The following MARK3 variants were observed in gnomAD, a reference collection of about 807,000 sequenced individuals.
MARK3 encodes MAP/microtubule affinity-regulating kinase 3.
In MARK3, 46 loss-of-function variants were observed where a neutral mutation model predicts 90.1. The observed-to-expected ratio is 0.51, with a 90% CI of 0.40 to 0.65. MARK3 has a LOEUF of 0.65. Among genes scored for constraint, MARK3 ranks in the 30% least tolerant of loss-of-function variants. MARK3 has a pLI of 0.00. For synonymous variants in MARK3, 321 were observed against 332.6 expected, an observed-to-expected ratio of 0.97 and a Z score of 0.38; for missense variants, 818 against 947.2, an observed-to-expected ratio of 0.86 and a Z score of 1.79.
At chr14:103,408,098 G>A (rs760624199) in intron 2 of MARK3, among the ~76,000 whole-genome samples, 1 of 152,104 alleles carries the variant, frequency 6.6e-6, no homozygotes, top group Non-Finnish European at 1.5e-5. Context: ...CAGTCTGTAG[G>A]GGAAGATGAC....
chr14:103,389,966 A>T (rs1055678445), intron 1 of MARK3, among the ~76,000 whole-genome samples: 3 of 107,020 alleles, frequency 2.8e-5, no homozygotes, highest in Middle Eastern at 0.011. Flanking sequence ...AAAAAAAAAA[A>T]GGCCGGGCGC....
chr14:103,467,051 C>G, intron 10 of MARK3, 28 bp from the exon 11 acceptor site: 1 of 919,254 alleles, frequency 1.1e-6, no homozygotes, highest in South Asian at 1.7e-5. Flanking sequence ...AAACAAAACA[C>G]ATAAACTGTA....
At chr14:103,433,093 C>CTT (rs1285320294) in intron 3 of MARK3, among the ~76,000 whole-genome samples, 4 of 118,034 alleles carry the variant, frequency 3.4e-5, no homozygotes, top group East Asian at 2.5e-4. Context: ...CTTTTCTTTT[C>CTT]TTTTTTTTTT....
chr14:103,464,275 AC>A (rs1201087743), intron 7 of MARK3, among the ~76,000 whole-genome samples: 3 of 142,204 alleles, frequency 2.1e-5, no homozygotes, highest in African/African-American at 7.8e-5. Flanking sequence ...TCTTAAAGTG[AC>A]TGTGATTTGT....
chr14:103,419,969 C>T (rs997355889), intron 2 of MARK3, among the ~76,000 whole-genome samples: 1 of 146,932 alleles, frequency 6.8e-6, no homozygotes, highest in African/African-American at 2.4e-5. Context: ...GCCTGGGGAA[C>T]ATAGCGAGAT....
rs72710705 is a variant in MARK3, at chr14:103,490,806, T to C, written c.1587-971T>C. ...ATAGGTTAGCAGTTGCTCCAGAATC[T>C]CCAAAACAAGCTTAGGAGATTTTTA... On this transcript the variant is annotated intron_variant, in intron 14 of 17. Transcript: ENST00000429436. 193 of 336,664 alleles carry C rather than the reference T, an allele frequency of 5.7e-4. 1 individual carries two copies. Among genetic ancestry groups the C allele is most frequent in the Non-Finnish European group, 6.1e-4 (136 of 224,398 alleles). 20.9% of individuals were successfully genotyped at this position (336,664 alleles called of 1,614,324 possible). A position where few individuals can be genotyped will look rare whatever the true frequency, so the allele number is the denominator to read the frequency against.
chr14:103,416,346 A>G (rs2140905216), intron 2 of MARK3, among the ~76,000 whole-genome samples: 1 of 152,232 alleles, frequency 6.6e-6, no homozygotes, highest in East Asian at 1.9e-4. Context: ...AAATATCAAC[A>G]TATTTCTCTA....
chr14:103,479,409 G>A (rs2093776960), intron 13 of MARK3, among the ~76,000 whole-genome samples: 1 of 152,096 alleles, frequency 6.6e-6, no homozygotes, highest in African/African-American at 2.4e-5. Context: ...TTAATTTTTT[G>A]AGAAACTGCC....
At chr14:103,398,425 CTCTT>C (rs1300650272) in intron 1 of MARK3, among the ~76,000 whole-genome samples, 1 of 152,184 alleles carries the variant, frequency 6.6e-6, no homozygotes, top group Non-Finnish European at 1.5e-5. Flanking sequence ...TTTTTAGAAT[CTCTT>C]TATACATTCC....
intron 1 of MARK3, among the ~76,000 whole-genome samples, chr14:103,400,393 A>AC (rs1181383074): frequency 6.6e-6 from 1 of 152,176 alleles, no homozygotes; most frequent in East Asian, 1.9e-4. Context: ...GTCTCCCTAA[A>AC]CACGTGTTCA....
chr14:103,411,273 C>T (rs1353101478), intron 2 of MARK3, among the ~76,000 whole-genome samples: 28 of 152,038 alleles, frequency 1.8e-4, no homozygotes, highest in Admixed American at 1.6e-3. Context: ...GACTCCGTCT[C>T]GAAAAAACAA....
chr14:103,447,750 G>C (rs937581139), intron 3 of MARK3, among the ~76,000 whole-genome samples: 9 of 151,992 alleles, frequency 5.9e-5, no homozygotes, highest in African/African-American at 1.9e-4. Flanking sequence ...TGGCTAGGAA[G>C]CTCTGCTGGT....
chr14:103,458,644 T>C (rs1466054035), intron 6 of MARK3: 2 of 574,306 alleles, frequency 3.5e-6, no homozygotes, highest in Non-Finnish European at 6.2e-6. Flanking sequence ...ATTAATTCTG[T>C]ATTCTCACAA....
intron 5 of MARK3, among the ~76,000 whole-genome samples, chr14:103,454,918 C>T (rs2093240854): frequency 1.3e-5 from 2 of 152,156 alleles, no homozygotes; most frequent in African/African-American, 2.4e-5. Flanking sequence ...GCAGGAGAGC[C>T]ACTCTTTGCT....
Position 103,500,205 on chromosome 14 carries a change from G to A in MARK3, c.1916+5G>A, listed in dbSNP as rs762458929. On this transcript the variant is annotated splice_donor_5th_base_variant and intron_variant, in intron 17 of 17. Coordinates refer to ENST00000429436, the MANE Select transcript of MARK3 (RefSeq NM_001128918.3). Reference sequence around the variant, plus strand: ...CGGGAGATATGAGGGCTCAAGGTGAGGGAAATGATTTTTACTTAAAATTTT... The same window carrying A: ...CGGGAGATATGAGGGCTCAAGGTGAAGGAAATGATTTTTACTTAAAATTTT... 5.0e-5 allele frequency: 79 copies of A among 1,591,344 alleles called. No individual in the cohort carries two copies. The highest frequency in any genetic ancestry group is 6.7e-5 in the Non-Finnish European group (79 of 1,172,794).
chr14:103,458,804 T>G (rs1258364358), intron 6 of MARK3: 1 of 678,456 alleles, frequency 1.5e-6, no homozygotes, highest in Non-Finnish European at 2.7e-6. Flanking sequence ...TTGTAAGTGA[T>G]AGGACTTATT....
chr14:103,419,772 C>G (rs2092127022), intron 2 of MARK3, among the ~76,000 whole-genome samples: 1 of 151,966 alleles, frequency 6.6e-6, no homozygotes, highest in Non-Finnish European at 1.5e-5. Flanking sequence ...ACTGTAGTGA[C>G]TGACAAAAAA....
intron 14 of MARK3, among the ~76,000 whole-genome samples, chr14:103,482,445 C>G (rs375279175): frequency 2.6e-5 from 4 of 152,146 alleles, no homozygotes; most frequent in African/African-American, 9.6e-5. Flanking sequence ...TACTTGAACC[C>G]AGGAGGCAGA....
At chr14:103,413,019 C>T (rs1195702661) in intron 2 of MARK3, among the ~76,000 whole-genome samples, 3 of 151,956 alleles carry the variant, frequency 2.0e-5, no homozygotes, top group East Asian at 1.9e-4. Context: ...GGATTACAGG[C>T]ATGCACCACC....
Sources: gnomAD v4.1 joint callset for allele counts (sites outside exome capture counted in the v4.1 genomes callset) on GRCh38, gnomAD v4.1.1 for gene constraint, MANE v1.5 for transcripts, NCBI Gene and HGNC (gene_info 2026-07-23, HGNC 2026-07-21) for gene names.